Variants in KLHL4 observed in about 807,000 individuals in gnomAD.
The protein encoded by KLHL4 is kelch like family member 4, also known as kelch-like protein 4.
In KLHL4, 17 loss-of-function variants were observed where a neutral mutation model predicts 45.8. That is an observed-to-expected ratio of 0.37 (90% CI 0.25 to 0.56). The LOEUF (loss-of-function observed/expected upper bound fraction) is 0.56, where lower values mean the gene tolerates loss of function less well. Among genes scored for constraint, KLHL4 ranks in the 20% least tolerant of loss-of-function variants. The pLI, the probability that KLHL4 is intolerant of heterozygous loss-of-function variation, is 0.79. For missense variants in KLHL4, 544 were observed against 544.9 expected, an observed-to-expected ratio of 1.00 and a Z score of 0.02; for synonymous variants, 224 against 189.9, an observed-to-expected ratio of 1.18 and a Z score of -1.47.
At position 87,614,479 on chromosome X, in the gene KLHL4, T is replaced by C. The variant is rs761522811; in HGVS notation, c.636T>C (p.Thr212=). 6.6e-6 allele frequency: 8 copies of C among 1,206,621 alleles called. No homozygotes were observed. The highest frequency in any genetic ancestry group is 3.0e-5 in the East Asian group (1 of 33,701). ...AVSDYFAAMF[T]NDVLEAKQEE... ...CTGATTATTTTGCTGCAATGTTTACTAATGATGTGCTTGAAGCCAAACAAG... is the reference window on the plus strand; with the variant it reads ...CTGATTATTTTGCTGCAATGTTTACCAATGATGTGCTTGAAGCCAAACAAG... Residue 212 remains threonine, a synonymous_variant, in exon 3 of 11, where the codon ACT becomes ACC. Coordinates refer to ENST00000373119, the MANE Select transcript of KLHL4 (RefSeq NM_019117.5).
chrX:87,615,733 G>T (rs757141438), intron 3 of KLHL4, among the ~76,000 whole-genome samples: 1 of 110,905 alleles, frequency 9.0e-6, no homozygotes, highest in East Asian at 2.8e-4. Context: ...ACAAAAGATC[G>T]CTTATTTTAT....
intron 1 of KLHL4, among the ~76,000 whole-genome samples, chrX:87,521,788 A>C (rs1292036780): frequency 8.9e-6 from 1 of 112,264 alleles, no homozygotes; most frequent in African/African-American, 3.2e-5. Flanking sequence ...TTAATGTTCA[A>C]AATATTCCTT....
intron 1 of KLHL4, among the ~76,000 whole-genome samples, chrX:87,542,866 G>A (rs758317703): frequency 9.0e-6 from 1 of 111,577 alleles, no homozygotes; most frequent in East Asian, 2.9e-4. Flanking sequence ...AGATTTGGAA[G>A]GAGCCAGAGG....
At chrX:87,649,871 A>G (rs943947807) in intron 9 of KLHL4, among the ~76,000 whole-genome samples, 4 of 111,198 alleles carry the variant, frequency 3.6e-5, no homozygotes, top group African/African-American at 1.3e-4. Flanking sequence ...ATTGGTCTTT[A>G]TGTCTGTCTT....
Position 87,616,516 on chromosome X carries a change from G to C in KLHL4, c.728-1416G>C, listed in dbSNP as rs745433268. Among the ~76,000 whole-genome samples, 16 of 111,297 alleles carry C rather than the reference G, an allele frequency of 1.4e-4. 1 individual carries two copies. The South Asian group carries it at 6.0e-3, about 42-fold the overall frequency. The stretch of plus-strand genomic sequence containing the variant: ...ATCTTTTTGTTTCCAGTAAGCATTC[G>C]TAGGATAAGATAATTCAGCCAGCTG... On this transcript the variant is annotated intron_variant, in intron 3 of 10. Coordinates refer to ENST00000373119, the MANE Select transcript of KLHL4 (RefSeq NM_019117.5).
intron 1 of KLHL4, among the ~76,000 whole-genome samples, chrX:87,560,699 T>C (rs1435612880): frequency 8.9e-6 from 1 of 111,903 alleles, no homozygotes; most frequent in Admixed American, 9.6e-5. Context: ...TGGAATCATG[T>C]AGCATATCTT....
intron 9 of KLHL4, among the ~76,000 whole-genome samples, chrX:87,638,960 A>G (rs1050201081): frequency 9.0e-6 from 1 of 111,358 alleles, no homozygotes; most frequent in Admixed American, 9.6e-5. Context: ...TCACCTGACA[A>G]ATAAGGACTC....
At chrX:87,588,593 G>T (rs1264792551) in intron 1 of KLHL4, among the ~76,000 whole-genome samples, 1 of 111,232 alleles carries the variant, frequency 9.0e-6, no homozygotes, top group Non-Finnish European at 1.9e-5. Context: ...GGATATCTAT[G>T]TTCAGGAGAC....
chrX:87,669,335 C>A lies in KLHL4; in HGVS notation c.*2801C>A. On this transcript the variant is annotated 3_prime_UTR_variant, in exon 11 of 11. Transcript: ENST00000373119. ...CCTTCCTGTATTTCCACAGAGCATG[C>A]AAGAACTTCTACAAAACTTCTATAC... 8.3e-7 allele frequency: 1 copy of A among 1,207,846 alleles called. No individual in the cohort carries two copies. The highest frequency in any genetic ancestry group is 1.8e-5 in the South Asian group (1 of 56,785).
At chrX:87,547,717 A>C (rs1394428797) in intron 1 of KLHL4, among the ~76,000 whole-genome samples, 1 of 110,603 alleles carries the variant, frequency 9.0e-6, no homozygotes, top group Non-Finnish European at 1.9e-5. Flanking sequence ...GCTACTCAGG[A>C]GGCTGAGGCA....
chrX:87,596,175 C>T (rs984831927), intron 1 of KLHL4, among the ~76,000 whole-genome samples: 1 of 111,773 alleles, frequency 8.9e-6, no homozygotes, highest in Non-Finnish European at 1.9e-5. Context: ...CAGATGCCAG[C>T]ATTATACTTC....
intron 9 of KLHL4, among the ~76,000 whole-genome samples, chrX:87,652,206 C>T (rs1167955766): frequency 8.9e-6 from 1 of 112,156 alleles, no homozygotes; most frequent in African/African-American, 3.2e-5. Context: ...AACATTTTTC[C>T]CCCTAGGCCT....
At chrX:87,527,487 A>G (rs767336904) in intron 1 of KLHL4, among the ~76,000 whole-genome samples, 10 of 110,468 alleles carry the variant, frequency 9.1e-5, no homozygotes, top group South Asian at 7.7e-4. Flanking sequence ...GCCACGCGAC[A>G]CTCTCCTCCC....
intron 1 of KLHL4, among the ~76,000 whole-genome samples, chrX:87,601,054 G>A (rs982895567): frequency 3.6e-5 from 4 of 111,563 alleles, no homozygotes; most frequent in Non-Finnish European, 7.5e-5. Context: ...ACCGAAGTAT[G>A]TTACCAGCAG....
intron 1 of KLHL4, among the ~76,000 whole-genome samples, chrX:87,569,736 G>T (rs1054435131): frequency 9.0e-6 from 1 of 111,717 alleles, no homozygotes; most frequent in Non-Finnish European, 1.9e-5. Flanking sequence ...GTCACATGTT[G>T]TGTAATTCTA....
At chrX:87,555,940 A>G (rs1414860271) in intron 1 of KLHL4, among the ~76,000 whole-genome samples, 2 of 110,148 alleles carry the variant, frequency 1.8e-5, no homozygotes, top group African/African-American at 6.6e-5. Flanking sequence ...GTTGGTTTCA[A>G]AGAACATCTT....
At chrX:87,621,700 C>G (rs1259657781) in intron 4 of KLHL4, among the ~76,000 whole-genome samples, 1 of 111,612 alleles carries the variant, frequency 9.0e-6, no homozygotes, top group African/African-American at 3.3e-5. Context: ...CATACTTTTC[C>G]ATAAAAGGAA....
chrX:87,533,448 G>A (rs1427969087), intron 1 of KLHL4, among the ~76,000 whole-genome samples: 1 of 100,302 alleles, frequency 1.0e-5, no homozygotes, highest in Non-Finnish European at 2.0e-5. Flanking sequence ...GTAAACTATC[G>A]CAAGGACAAA....
intron 4 of KLHL4, among the ~76,000 whole-genome samples, chrX:87,620,761 A>G (rs1343229351): frequency 8.9e-6 from 1 of 112,460 alleles, no homozygotes; most frequent in African/African-American, 3.2e-5. Context: ...CTTACTCCAT[A>G]GGGAATCAGA....
Sources: gnomAD v4.1 joint callset for allele counts (sites outside exome capture counted in the v4.1 genomes callset) on GRCh38, gnomAD v4.1.1 for gene constraint, MANE v1.5 for transcripts, NCBI Gene and HGNC (gene_info 2026-07-23, HGNC 2026-07-21) for gene names.